Variants in UGT1A6 observed in about 807,000 individuals in gnomAD.
UGT1A6 encodes UDP glucuronosyltransferase family 1 member A6.
In UGT1A6, 32 loss-of-function variants were observed where a neutral mutation model predicts 44.4. The observed-to-expected ratio is 0.72, with a 90% CI of 0.54 to 0.97. The LOEUF (loss-of-function observed/expected upper bound fraction) is 0.97. Among genes scored for constraint, UGT1A6 ranks in the 50% least tolerant of loss-of-function variants. The pLI is 0.00. For missense variants in UGT1A6, 685 were observed against 661.9 expected (o/e 1.03, Z -0.38); for synonymous variants, 238 against 248.5 (o/e 0.96, Z 0.40).
chr2:233,714,359 G>T (rs754648080), intron 1 of UGT1A6, among the ~76,000 whole-genome samples: 56 of 152,316 alleles, frequency 3.7e-4, no homozygotes, highest in East Asian at 3.9e-4. Context: ...AGGTTTCAAA[G>T]AAGTTGACTC....
intron 1 of UGT1A6, chr2:233,747,220 A>G: frequency 6.2e-7 from 1 of 1,605,538 alleles, no homozygotes; most frequent in South Asian, 1.1e-5. Flanking sequence ...TGAGATGGCC[A>G]CAGGACCCCA....
intron 1 of UGT1A6, chr2:233,713,016 CT>C: frequency 6.2e-7 from 1 of 1,613,704 alleles, no homozygotes; most frequent in Non-Finnish European, 8.5e-7. Context: ...CCAGGTTCCC[CT>C]GCCGCAGCTG....
chr2:233,754,979 G>C lies in UGT1A6; in HGVS notation c.862-12055G>C, dbSNP rs541611005. 93 of 1,297,796 alleles carry C rather than the reference G, an allele frequency of 7.2e-5. No homozygotes were observed. In the African/African-American group the frequency reaches 1.2e-3, roughly 17 times the overall value. The allele number at this position is 1,297,796 out of a possible 1,614,324, so 80.4% of individuals were successfully genotyped here. A position where few individuals can be genotyped will look rare whatever the true frequency, so the allele number is the denominator to read the frequency against. On this transcript the variant is annotated intron_variant, in intron 1 of 4. Coordinates refer to ENST00000305139, the MANE Select transcript of UGT1A6 (RefSeq NM_001072.4). The stretch of plus-strand genomic sequence containing the variant: ...CGCCAAAGAACTCCCTGAAGACCTC[G>C]GCGGGGTCACGGAAGCTGAAGACCT...
chr2:233,692,816 T>G (rs2075115835), upstream of UGT1A6: 1 of 1,429,336 alleles, frequency 7.0e-7, no homozygotes, highest in Non-Finnish European at 9.1e-7. Flanking sequence ...TTGGTTCATA[T>G]TAACCATGTG....
chr2:233,719,092 G>A lies in UGT1A6; in HGVS notation c.861+25227G>A, dbSNP rs570129053. 84 of 1,614,240 alleles carry A rather than the reference G, an allele frequency of 5.2e-5. No homozygotes were observed. The highest frequency in any genetic ancestry group is 6.6e-5 in the Non-Finnish European group (78 of 1,180,038). On this transcript the variant is annotated intron_variant, in intron 1 of 4. Transcript: ENST00000305139. Reference sequence around the variant, plus strand: ...CCATGGACCCAGAAGGAATTTGATCGCGTTACGCTGGGCTACACTCAAGGG... The same window carrying A: ...CCATGGACCCAGAAGGAATTTGATCACGTTACGCTGGGCTACACTCAAGGG...
At chr2:233,770,192 A>G (rs1288564889) in intron 4 of UGT1A6, 1 of 152,232 alleles carries the variant, frequency 6.6e-6, no homozygotes, top group African/African-American at 2.4e-5. Context: ...ACTAACTTTC[A>G]TCTATTCATT....
Position 233,693,203 on chromosome 2 carries a change from T to G in UGT1A6, c.199T>G (p.Leu67Val). 6.2e-7 allele frequency: 1 copy of G among 1,614,132 alleles called. No individual in the cohort carries two copies. Among genetic ancestry groups the G allele is most frequent in the African/African-American group, 1.3e-5 (1 of 75,042 alleles). ...VVVVPEVNLLLKESKYYTRKI... is the reference protein window; with the variant it reads ...VVVVPEVNLLVKESKYYTRKI... ...GGTGGTGCCTGAAGTTAATTTGCTT[T>G]TGAAAGAATCCAAATACTACACAAG... The change falls in exon 1 of 5, where the codon TTG (leucine) becomes GTG (valine). Residue 67 changes from leucine to valine, a missense_variant. Transcript: ENST00000305139.
At chr2:233,691,929 A>G (rs2075065519), upstream of UGT1A6, 1 of 152,370 alleles carries the variant, frequency 6.6e-6, no homozygotes, top group African/African-American at 2.4e-5. Flanking sequence ...GGAGCGATAA[A>G]CGTGAACAAA....
intron 1 of UGT1A6, chr2:233,755,622 G>A (rs28900393): frequency 0.029 from 4,678 of 158,830 alleles, 229 homozygotes; most frequent in African/African-American, 0.11. Context: ...TCTTAAAGTA[G>A]GCTTTATATC....
chr2:233,734,819 C>T (rs192367390), intron 1 of UGT1A6, among the ~76,000 whole-genome samples: 11 of 152,204 alleles, frequency 7.2e-5, no homozygotes, highest in South Asian at 2.1e-4. Flanking sequence ...TGTAGTTGTG[C>T]GATTTTGAGT....
At chr2:233,721,562 G>C (rs1409521853) in intron 1 of UGT1A6, 1 of 161,154 alleles carries the variant, frequency 6.2e-6, no homozygotes, top group Non-Finnish European at 1.4e-5. Context: ...GTTTCTTCTG[G>C]GATATCTTTT....
At chr2:233,760,857 C>G in intron 1 of UGT1A6, 1 of 1,614,098 alleles carries the variant, frequency 6.2e-7, no homozygotes, top group Non-Finnish European at 8.5e-7. Flanking sequence ...CCAACCCATT[C>G]TCCTACGTGC....
chr2:233,760,321 G>A, intron 1 of UGT1A6: 1 of 1,614,014 alleles, frequency 6.2e-7, no homozygotes, highest in Non-Finnish European at 8.5e-7. Context: ...ACGCCCACTT[G>A]TCCTGGGCCT....
intron 1 of UGT1A6, chr2:233,755,373 C>A (rs534555830): frequency 2.8e-6 from 1 of 357,666 alleles, no homozygotes; most frequent in South Asian, 2.2e-5. Context: ...GCCTGGAGGG[C>A]CGCCCCTTAT....
intron 1 of UGT1A6, among the ~76,000 whole-genome samples, chr2:233,765,889 C>T (rs1032509940): frequency 6.6e-6 from 1 of 152,020 alleles, no homozygotes; most frequent in Admixed American, 6.5e-5. Context: ...TTTCTCAGTG[C>T]GCCACTGCTC....
In UGT1A6 at chr2:233,736,783, G is replaced by T. The variant is rs545223479; in HGVS notation, c.862-30251G>T. ...CTTCTAACAGTCAGATCCCTCAGCTGCAGGTCTGTTGGAGTTTGCTGGAGG... is the reference window on the plus strand; with the variant it reads ...CTTCTAACAGTCAGATCCCTCAGCTTCAGGTCTGTTGGAGTTTGCTGGAGG... On this transcript the variant is annotated intron_variant, in intron 1 of 4. Transcript: ENST00000305139. Among the ~76,000 whole-genome samples, 9 of 152,312 alleles carry T rather than the reference G, an allele frequency of 5.9e-5. No homozygotes were observed. The South Asian group carries it at 1.9e-3, about 32-fold the overall frequency.
chr2:233,724,360 G>C (rs1455285943), intron 1 of UGT1A6, among the ~76,000 whole-genome samples: 3 of 146,586 alleles, frequency 2.0e-5, no homozygotes, highest in Admixed American at 6.8e-5. Context: ...CCTCCCTCCC[G>C]GACGGGGTGG....
intron 1 of UGT1A6, chr2:233,747,379 A>G: frequency 1.2e-6 from 2 of 1,605,180 alleles, no homozygotes; most frequent in South Asian, 1.1e-5. Flanking sequence ...GCCAGAGGCC[A>G]CCAGGCGGTG....
chr2:233,697,078 T>C (rs1342643335), intron 1 of UGT1A6, among the ~76,000 whole-genome samples: 2 of 152,118 alleles, frequency 1.3e-5, no homozygotes, highest in African/African-American at 4.8e-5. Flanking sequence ...GGTATCAGGG[T>C]AACACTGGTC....
Sources: allele counts gnomAD v4.1 joint callset (sites outside exome capture counted in the v4.1 genomes callset), GRCh38; gene constraint gnomAD v4.1.1; transcripts MANE v1.5; gene names NCBI Gene and HGNC (gene_info 2026-07-23, HGNC 2026-07-21).